FRAS1: variants seen among roughly 807,000 people sequenced by gnomAD.
The protein encoded by FRAS1 is Fraser extracellular matrix complex subunit 1.
A neutral mutation model predicts 435.2 loss-of-function variants in FRAS1; 290 were observed. That is an observed-to-expected ratio of 0.67 (90% CI 0.61 to 0.73). FRAS1 has a LOEUF of 0.73. Among genes scored for constraint, FRAS1 ranks in the 30% least tolerant of loss-of-function variants. The pLI is 0.00. For missense variants in FRAS1, 4,860 were observed against 5,001.5 expected (o/e 0.97, Z 0.85); for synonymous variants, 1,800 against 1,851.0 (o/e 0.97, Z 0.71).
intron 27 of FRAS1, among the ~76,000 whole-genome samples, chr4:78,380,550 G>A (rs1239487347): frequency 6.6e-6 from 1 of 152,182 alleles, no homozygotes; most frequent in Non-Finnish European, 1.5e-5. Flanking sequence ...GCTGACATAT[G>A]CTTCAGGAAT....
At chr4:78,271,812 T>A (rs937076027) in intron 9 of FRAS1, among the ~76,000 whole-genome samples, 21 of 152,240 alleles carry the variant, frequency 1.4e-4, no homozygotes, top group African/African-American at 5.1e-4. Flanking sequence ...TGATTTATAA[T>A]CCTTTGGGTA....
At chr4:78,493,364 T>C (rs563562482) in intron 59 of FRAS1, among the ~76,000 whole-genome samples, 41 of 152,330 alleles carry the variant, frequency 2.7e-4, no homozygotes, top group African/African-American at 6.7e-4. Flanking sequence ...TGTATATTTA[T>C]TGCAGCACTA....
chr4:78,226,154 G>GT (rs1300320160), intron 2 of FRAS1, among the ~76,000 whole-genome samples: 2 of 152,016 alleles, frequency 1.3e-5, no homozygotes, highest in East Asian at 3.9e-4. Flanking sequence ...TGAATTCTCC[G>GT]TTTTTTCATC....
In FRAS1 at chr4:78,297,581, G is replaced by A. The variant is rs57078733; in HGVS notation, c.1535-10485G>A. On this transcript the variant is annotated intron_variant, in intron 14 of 73. Coordinates refer to ENST00000512123, the MANE Select transcript of FRAS1 (RefSeq NM_025074.7). ...AAGTAATTTGTTCCTTTTCATTTTCGAAATGAGTTGCTCAAGAAGCCAACC... is the reference window on the plus strand; with the variant it reads ...AAGTAATTTGTTCCTTTTCATTTTCAAAATGAGTTGCTCAAGAAGCCAACC... Among the ~76,000 whole-genome samples the A allele has an allele frequency of 9.6e-3, 1,459 of 152,164 alleles. 14 individuals carry two copies. Among genetic ancestry groups the A allele is most frequent in the African/African-American group, 0.033 (1,387 of 41,478 alleles).
rs1720258141 is a variant in FRAS1 at position 78,488,975 on chromosome 4, A to G, written c.8853A>G (p.Ser2951=). ...ITRSGDLSYE[S]SVRCYTQSHS... Reference sequence around the variant, plus strand: ...GGAGCGGAGACCTGAGCTATGAGTCATCAGTGAGGTGCTATACTCAGAGCC... The same window carrying G: ...GGAGCGGAGACCTGAGCTATGAGTCGTCAGTGAGGTGCTATACTCAGAGCC... Residue 2951 remains serine, a synonymous_variant, in exon 59 of 74, where the codon TCA becomes TCG. Transcript: ENST00000512123. The G allele has an allele frequency of 1.2e-6, 2 of 1,613,640 alleles. No homozygotes were observed. The highest frequency in any genetic ancestry group is 2.7e-5 in the African/African-American group (2 of 74,916).
chr4:78,254,542 AAC>A (rs1438640500), intron 5 of FRAS1, among the ~76,000 whole-genome samples: 2 of 152,166 alleles, frequency 1.3e-5, no homozygotes, highest in Non-Finnish European at 2.9e-5. Flanking sequence ...TACTTGGAAC[AAC>A]AGAGTTGGGG....
chr4:78,109,357 A>T (rs1272433276), intron 2 of FRAS1, among the ~76,000 whole-genome samples: 1 of 138,336 alleles, frequency 7.2e-6, no homozygotes, highest in African/African-American at 2.7e-5. Flanking sequence ...TCAATAAAAT[A>T]CTGGCAAACC....
At chr4:78,171,538 C>T (rs1396217407) in intron 2 of FRAS1, among the ~76,000 whole-genome samples, 1 of 152,134 alleles carries the variant, frequency 6.6e-6, no homozygotes, top group Non-Finnish European at 1.5e-5. Context: ...CTCCCACCTC[C>T]ACCCCCACAC....
At chr4:78,516,219 GA>G (rs969322809) in intron 66 of FRAS1, among the ~76,000 whole-genome samples, 3 of 152,150 alleles carry the variant, frequency 2.0e-5, no homozygotes, top group African/African-American at 7.2e-5. Context: ...AGTTAATGTG[GA>G]AAAAACTTAC....
At chr4:78,480,626 T>G (rs1424050870) in intron 56 of FRAS1, among the ~76,000 whole-genome samples, 1 of 152,212 alleles carries the variant, frequency 6.6e-6, no homozygotes, top group Non-Finnish European at 1.5e-5. Context: ...AGTGAAACTT[T>G]CTCATTCATG....
chr4:78,320,147 G>C (rs1578250495), intron 18 of FRAS1, among the ~76,000 whole-genome samples: 2 of 152,178 alleles, frequency 1.3e-5, no homozygotes, highest in Admixed American at 1.3e-4. Flanking sequence ...GGATTTTCAT[G>C]GTGCCCAGAA....
chr4:78,270,411 G>A (rs1452757847), intron 9 of FRAS1, among the ~76,000 whole-genome samples: 1 of 152,128 alleles, frequency 6.6e-6, no homozygotes, highest in Non-Finnish European at 1.5e-5. Context: ...ACTCTTTTGA[G>A]GATATTTGCC....
intron 17 of FRAS1, among the ~76,000 whole-genome samples, chr4:78,318,556 T>C (rs1729367636): frequency 6.6e-6 from 1 of 152,204 alleles, no homozygotes; most frequent in Admixed American, 6.5e-5. Context: ...TTTTGCTCAT[T>C]TGTTTGTTTG....
intron 8 of FRAS1, 88 bp from the exon 9 acceptor site, chr4:78,267,153 T>G: frequency 1.5e-6 from 2 of 1,309,864 alleles, no homozygotes; most frequent in Non-Finnish European, 2.1e-6. Context: ...ATGTAGAGCT[T>G]TGGTATTTTG....
At chr4:78,114,381 G>A (rs866506457) in intron 2 of FRAS1, among the ~76,000 whole-genome samples, 1 of 152,106 alleles carries the variant, frequency 6.6e-6, no homozygotes, top group Non-Finnish European at 1.5e-5. Flanking sequence ...TCATTGGTAG[G>A]TTGATGGGGA....
rs1404562337 is a variant in FRAS1, at chr4:78,379,441, T to G, written c.3293-285T>G. ...TGTGTCAAAGAACAGGAGCAGTTAC[T>G]CACACCTGAGGACCTCCCACTGGCA... On this transcript the variant is annotated intron_variant, in intron 26 of 73. Transcript: ENST00000512123. The G allele has an allele frequency of 6.9e-5, 25 of 361,218 alleles. No homozygotes were observed. The South Asian group carries it at 8.3e-4, about 12-fold the overall frequency. The allele number at this position is 361,218 out of a possible 1,614,324, so 22.4% of individuals were successfully genotyped here. A position where few individuals can be genotyped will look rare whatever the true frequency, so the allele number is the denominator to read the frequency against.
chr4:78,499,846 TGCA>T lies in FRAS1; in HGVS notation c.9245_9247del (p.Ser3082del). 1 of 1,613,608 alleles carries T rather than the reference TGCA, an allele frequency of 6.2e-7. No homozygotes were observed. Among genetic ancestry groups the T allele is most frequent in the Non-Finnish European group, 8.5e-7 (1 of 1,179,596 alleles). On this transcript the variant is annotated inframe_deletion, in exon 61 of 74. Transcript: ENST00000512123. ...TCAGAACAGGACCTCCAAGGTTCGCTGCAGCACGCGGGATGGCTCTGCCCAGTC... is the reference window on the plus strand; with the variant it reads ...TCAGAACAGGACCTCCAAGGTTCGCTGCACGCGGGATGGCTCTGCCCAGTC...
chr4:78,406,426 G>A (rs1733095278), intron 30 of FRAS1, among the ~76,000 whole-genome samples: 1 of 152,192 alleles, frequency 6.6e-6, no homozygotes, highest in South Asian at 2.1e-4. Context: ...AATCATGGCA[G>A]GAGGAGAAAG....
At chr4:78,367,379 G>T (rs1731314810) in intron 22 of FRAS1, among the ~76,000 whole-genome samples, 2 of 150,850 alleles carry the variant, frequency 1.3e-5, no homozygotes, top group South Asian at 4.3e-4. Flanking sequence ...TCCAGCCTGG[G>T]TGACAGGGTG....
Sources: gnomAD v4.1 joint callset for allele counts (sites outside exome capture counted in the v4.1 genomes callset) on GRCh38, gnomAD v4.1.1 for gene constraint, MANE v1.5 for transcripts, NCBI Gene and HGNC (gene_info 2026-07-23, HGNC 2026-07-21) for gene names.